Variants in LETM1 observed in about 807,000 individuals in gnomAD.
LETM1 encodes mitochondrial proton/calcium exchanger protein.
LETM1 carries 50 observed loss-of-function variants against 74.5 expected under a neutral mutation model. The ratio of observed to expected loss-of-function variants is 0.67; its 90% CI spans 0.53 to 0.85. The LOEUF (loss-of-function observed/expected upper bound fraction) is 0.85, where lower values mean the gene tolerates loss of function less well. Among genes scored for constraint, LETM1 ranks in the 40% least tolerant of loss-of-function variants. The pLI is 0.00. For missense variants in LETM1, 824 were observed against 967.8 expected (o/e 0.85, Z 1.97); for synonymous variants, 446 against 407.1 (o/e 1.10, Z -1.15).
chr4:1,828,057 C>A (rs534458461), intron 6 of LETM1, among the ~76,000 whole-genome samples: 2 of 139,954 alleles, frequency 1.4e-5, no homozygotes, highest in South Asian at 2.2e-4. Flanking sequence ...TGACCCCCCC[C>A]ACCTCCCTCC....
intron 6 of LETM1, among the ~76,000 whole-genome samples, 159 bp downstream of exon 6, chr4:1,832,585 A>G (rs1307489532): frequency 2.0e-5 from 3 of 152,226 alleles, no homozygotes; most frequent in Admixed American, 2.0e-4. Context: ...ATCCATCTTC[A>G]AAGGATCTGC....
chr4:1,819,080 T>A (rs568984607), intron 11 of LETM1, among the ~76,000 whole-genome samples: 1 of 147,524 alleles, frequency 6.8e-6, no homozygotes, highest in Non-Finnish European at 1.5e-5. Flanking sequence ...CAAGACCTTC[T>A]TACAAAAAAA....
At chr4:1,826,335 A>G (rs1577314569) in intron 6 of LETM1, among the ~76,000 whole-genome samples, 1 of 152,346 alleles carries the variant, frequency 6.6e-6, no homozygotes, top group African/African-American at 2.4e-5. Flanking sequence ...AGACAGTACC[A>G]CCACCTCCAC....
At chr4:1,828,453 G>A (rs1712103469) in intron 6 of LETM1, among the ~76,000 whole-genome samples, 1 of 120,520 alleles carries the variant, frequency 8.3e-6, no homozygotes, top group South Asian at 2.8e-4. Context: ...AGGGGCGGCC[G>A]GGCAGAGGCG....
intron 6 of LETM1, 111 bp downstream of exon 6, chr4:1,832,633 C>T (rs1463083377): frequency 3.4e-5 from 36 of 1,052,982 alleles, no homozygotes; most frequent in African/African-American, 4.7e-5. Flanking sequence ...AGCTTATTTT[C>T]GATCGTTCAG....
chr4:1,816,979 C>T, intron 11 of LETM1, 65 bp from the exon 12 acceptor site: 1 of 1,356,802 alleles, frequency 7.4e-7, no homozygotes. Context: ...GGTGTAGTGG[C>T]TCACGCCTGT....
rs775159133 is a variant in LETM1, at chr4:1,841,766, G to A, written c.175C>T (p.His59Tyr). 17 of 1,613,656 alleles carry A rather than the reference G, an allele frequency of 1.1e-5. No individual in the cohort carries two copies. Among genetic ancestry groups the A allele is most frequent in the Non-Finnish European group, 1.4e-5 (16 of 1,179,922 alleles). Residue 59 changes from histidine (H) to tyrosine (Y), a missense_variant, in exon 3 of 14, where the codon CAC becomes TAC. Coordinates refer to ENST00000302787, the MANE Select transcript of LETM1 (RefSeq NM_012318.3). ...NVPFGCCTPIHPVYTSSRGDH... is the reference protein window; with the variant it reads ...NVPFGCCTPIYPVYTSSRGDH... ...CCTCTGGAGGATGTGTACACAGGGT[G>A]GATGGGAGTGCAGCAGCCAAATGGA...
intron 7 of LETM1, 79 bp from the exon 8 acceptor site, chr4:1,823,854 C>A: frequency 6.9e-7 from 1 of 1,450,688 alleles, no homozygotes; most frequent in Non-Finnish European, 9.3e-7. Context: ...CATCTCATCA[C>A]CAGAATAGCT....
In LETM1 at chr4:1,838,118, G is replaced by A. The variant is rs568489428; in HGVS notation, c.595-1546C>T. Among the ~76,000 whole-genome samples the A allele has an allele frequency of 2.0e-5, 3 of 151,440 alleles. No homozygotes were observed. In the East Asian group the frequency reaches 5.8e-4, roughly 29 times the overall value. On this transcript the variant is annotated intron_variant, in intron 3 of 13. Coordinates refer to ENST00000302787, the MANE Select transcript of LETM1 (RefSeq NM_012318.3). ...CTTTTTTTTTACTTTTTATTTTTTT[G>A]AGATGGAGTCTCACTCTGTCTCCAG...
At chr4:1,821,438 T>C (rs1227665271) in intron 10 of LETM1, among the ~76,000 whole-genome samples, 1 of 151,224 alleles carries the variant, frequency 6.6e-6, no homozygotes, top group Non-Finnish European at 1.5e-5. Context: ...CCTGTAATCC[T>C]AGCACTTTGG....
intron 11 of LETM1, among the ~76,000 whole-genome samples, chr4:1,818,477 G>C (rs957776304): frequency 1.3e-5 from 2 of 151,924 alleles, no homozygotes; most frequent in African/African-American, 4.8e-5. Context: ...GCCAGGCATG[G>C]TGGCACATGC....
intron 5 of LETM1, chr4:1,833,356 G>C (rs1712348138): frequency 8.1e-6 from 2 of 246,394 alleles, no homozygotes; most frequent in Non-Finnish European, 1.6e-5. Flanking sequence ...TCCGGTGCTG[G>C]GCTAGCCTGG....
intron 6 of LETM1, among the ~76,000 whole-genome samples, chr4:1,826,663 T>A (rs1174805343): frequency 6.6e-6 from 1 of 152,256 alleles, no homozygotes; most frequent in African/African-American, 2.4e-5. Flanking sequence ...CTCACTGCCA[T>A]GCGGCATTCT....
intron 1 of LETM1, among the ~76,000 whole-genome samples, chr4:1,855,371 G>A (rs1000498264): frequency 9.9e-5 from 15 of 152,152 alleles, no homozygotes; most frequent in African/African-American, 3.4e-4. Context: ...CCCGGGTGCC[G>A]GTCGCGGCCT....
Position 1,832,891 on chromosome 4 carries a change from T to C in LETM1, c.933A>G (p.Leu311=), listed in dbSNP as rs1314886174. 9.9e-6 allele frequency: 16 copies of C among 1,613,316 alleles called. No homozygotes were observed. In the African/African-American group the frequency reaches 1.3e-4, roughly 13 times the overall value. ...SNEEIMRFSK[L]FEDELTLDNL... is the part of the protein sequence containing the mutation. The stretch of plus-strand genomic sequence containing the variant: ...TGTCCAGGGTCAGCTCATCCTCAAA[T>C]AATTTGGAAAAACGCATGATTTCCT... The change falls in exon 6 of 14, where the codon TTA becomes TTG. Residue 311 remains leucine, a synonymous_variant. Transcript: ENST00000302787.
intron 3 of LETM1, among the ~76,000 whole-genome samples, chr4:1,840,254 G>A (rs1440830307): frequency 1.3e-5 from 2 of 152,214 alleles, no homozygotes; most frequent in Admixed American, 6.5e-5. Context: ...GTATATGCCT[G>A]TAGTCCCAGC....
At chr4:1,840,855 C>G (rs760595946) in intron 3 of LETM1, among the ~76,000 whole-genome samples, 1 of 152,106 alleles carries the variant, frequency 6.6e-6, no homozygotes, top group Non-Finnish European at 1.5e-5. Flanking sequence ...TCTGGGTAGA[C>G]AGTATCAGAA....
intron 4 of LETM1, 136 bp from the exon 5 acceptor site, chr4:1,835,118 AT>A (rs1477617458): frequency 5.0e-6 from 4 of 800,980 alleles, no homozygotes; most frequent in Non-Finnish European, 7.8e-6. Context: ...AGTGCAATAC[AT>A]TCTCAAACTC....
rs1443417814 is a variant in LETM1 at position 1,834,911 on chromosome 4, C to T, written c.810G>A (p.Glu270=). ...LAKFLQDTIE[E]MALKNKAAKG... is the part of the protein sequence containing the mutation. ...TGGCTGCCTTGTTCTTCAAGGCCATCTCCTCGATGGTGTCCTGGAGGAACT... is the reference window on the plus strand; with the variant it reads ...TGGCTGCCTTGTTCTTCAAGGCCATTTCCTCGATGGTGTCCTGGAGGAACT... Residue 270 remains glutamate (E), a synonymous_variant, in exon 5 of 14, where the codon GAG becomes GAA. Coordinates refer to ENST00000302787, the MANE Select transcript of LETM1 (RefSeq NM_012318.3). This position sits in a 1 kb window ranked among gnomAD's most constrained non-coding sequence, Gnocchi z 5.0. The T allele has an allele frequency of 1.2e-6, 2 of 1,614,204 alleles. No individual in the cohort carries two copies. The highest frequency in any genetic ancestry group is 1.7e-6 in the Non-Finnish European group (2 of 1,180,030).
Sources: allele counts gnomAD v4.1 joint callset (sites outside exome capture counted in the v4.1 genomes callset), GRCh38; gene constraint gnomAD v4.1.1; non-coding constraint Gnocchi (gnomAD v3.1); transcripts MANE v1.5; gene names NCBI Gene and HGNC (gene_info 2026-07-23, HGNC 2026-07-21).